TFAP4: variants seen among roughly 807,000 people sequenced by gnomAD.
TFAP4 encodes transcription factor AP-4.
Under a neutral mutation model 40.4 loss-of-function variants are expected in TFAP4, and 7 were observed. The observed-to-expected ratio is 0.17, with a 90% CI of 0.10 to 0.33. TFAP4 has a LOEUF of 0.33. Among genes scored for constraint, TFAP4 ranks in the 10% least tolerant of loss-of-function variants. The pLI, the probability that TFAP4 is intolerant of heterozygous loss-of-function variation, is 1.00. For missense variants in TFAP4, 374 were observed against 451.1 expected, an observed-to-expected ratio of 0.83 and a Z score of 1.55; for synonymous variants, 218 against 181.4, an observed-to-expected ratio of 1.20 and a Z score of -1.62.
intron 4 of TFAP4, among the ~76,000 whole-genome samples, chr16:4,261,452 T>G (rs1470394486): frequency 4.6e-5 from 7 of 151,760 alleles, no homozygotes; most frequent in Non-Finnish European, 8.8e-5. Context: ...GCTAATTTTT[T>G]TTTTTTTTGT....
chr16:4,267,533 A>G (rs1567202588), intron 1 of TFAP4, among the ~76,000 whole-genome samples: 1 of 152,240 alleles, frequency 6.6e-6, no homozygotes, highest in Non-Finnish European at 1.5e-5. Context: ...TGGCGTCCCA[A>G]CCAGACACTT....
intron 4 of TFAP4, 65 bp downstream of exon 4, chr16:4,261,714 G>T: frequency 6.8e-7 from 1 of 1,471,626 alleles, no homozygotes; most frequent in Non-Finnish European, 8.9e-7. Flanking sequence ...CAGAGCAAGA[G>T]GCGCGACCCC....
chr16:4,264,581 G>C (rs2052976110), intron 1 of TFAP4: 1 of 152,396 alleles, frequency 6.6e-6, no homozygotes, highest in Non-Finnish European at 1.5e-5. Flanking sequence ...TTAGGGTGCA[G>C]GGCAGAGAGG....
At chr16:4,262,221 G>A (rs1036264050) in intron 3 of TFAP4, 103 bp downstream of exon 3, 167 of 1,337,788 alleles carry the variant, frequency 1.2e-4, no homozygotes, top group Non-Finnish European at 1.7e-4. Flanking sequence ...GTACTTGTCA[G>A]TGGGCAAGAA....
At chr16:4,262,094 A>G in intron 3 of TFAP4, 145 bp from the exon 4 acceptor site, 1 of 984,970 alleles carries the variant, frequency 1.0e-6, no homozygotes, top group East Asian at 2.6e-5. Context: ...AAACCAGCCA[A>G]ATGCCAGGAG....
chr16:4,262,529 C>T lies in TFAP4; in HGVS notation c.255+7G>A. 5 of 1,612,640 alleles carry T rather than the reference C, an allele frequency of 3.1e-6. No individual in the cohort carries two copies. The highest frequency in any genetic ancestry group is 4.2e-6 in the Non-Finnish European group (5 of 1,180,018). On this transcript the variant is annotated splice_region_variant and intron_variant, in intron 2 of 6. Transcript: ENST00000204517. ...TCCTCCAGGAAGCCCTCCCTGCTCT[C>T]ACCCACCTTGCTGAGCTTCTCTCCG...
chr16:4,262,942 A>G (rs963895744), intron 1 of TFAP4: 14 of 542,792 alleles, frequency 2.6e-5, no homozygotes, highest in African/African-American at 2.3e-4. Flanking sequence ...TTGGGAGGTC[A>G]AGGCCAAGGA....
rs1196914210 is a variant in TFAP4, at chr16:4,272,834, G to A, written c.-88C>T. On this transcript the variant is annotated 5_prime_UTR_variant, in exon 1 of 7. Transcript: ENST00000204517. ...GAAATCCGAATCAAAGGGCAGCGCC[G>A]GACGGAGGTGCAGAATCGGCCGGTC... is the stretch of plus-strand genomic sequence containing the variant. 2.0e-5 allele frequency: 25 copies of A among 1,256,372 alleles called. No homozygotes were observed. Among genetic ancestry groups the A allele is most frequent in the Non-Finnish European group, 2.6e-5 (24 of 916,872 alleles). 77.8% of individuals were successfully genotyped at this position (1,256,372 alleles called of 1,614,324 possible).
chr16:4,270,097 G>T (rs2053029502), intron 1 of TFAP4, among the ~76,000 whole-genome samples: 1 of 151,996 alleles, frequency 6.6e-6, no homozygotes, highest in Non-Finnish European at 1.5e-5. Context: ...AGGCAGGAAA[G>T]TCGGTTGAAT....
chr16:4,261,562 A>G (rs2141090495), intron 4 of TFAP4, among the ~76,000 whole-genome samples: 1 of 151,308 alleles, frequency 6.6e-6, no homozygotes. Context: ...GCATGGTTAC[A>G]TTTTTGAGAT....
chr16:4,257,311 T>TAAAAAAAAAAAAA lies in TFAP4; in HGVS notation c.*731_*743dup, dbSNP rs34634533. 1.0e-4 allele frequency: 12 copies of TAAAAAAAAAAAAA among 114,744 alleles called. No individual in the cohort carries two copies. Among genetic ancestry groups the TAAAAAAAAAAAAA allele is most frequent in the Non-Finnish European group, 1.6e-4 (9 of 55,860 alleles). 7.1% of individuals were successfully genotyped at this position (114,744 alleles called of 1,614,324 possible). A position where few individuals can be genotyped will look rare whatever the true frequency, so the allele number is the denominator to read the frequency against. On this transcript the variant is annotated 3_prime_UTR_variant, in exon 7 of 7. Transcript: ENST00000204517. Reference sequence around the variant, plus strand: ...CTTGAACACGAAGACCTCAAAATTGTAAAAAAAAAAAAAAAAGAAAGAAAA... The same window carrying TAAAAAAAAAAAAA: ...CTTGAACACGAAGACCTCAAAATTGTAAAAAAAAAAAAAAAAAAAAAAAAAAAAAGAAAGAAAA...
At position 4,260,142 on chromosome 16, in the gene TFAP4, G is replaced by A. The variant is rs751265715; in HGVS notation, c.770C>T (p.Ser257Leu). ...HINVVTMGPSSVINSVSTSRQ... is the reference protein window; with the variant it reads ...HINVVTMGPSLVINSVSTSRQ... ...GGATGTGGAAACAGAGTTGATGACC[G>A]AGGAGGGGCCCATGGTGACGACATT... The change falls in exon 6 of 7, where the codon TCG becomes TTG. Residue 257 changes from serine (S) to leucine (L), a missense_variant. By Grantham distance (145) the Ser-to-Leu change is moderately radical. This residue lies in a region of TFAP4 where 161 missense variants were observed against 154.2 expected (regional missense o/e 1.04). Transcript: ENST00000204517. The A allele has an allele frequency of 1.2e-5, 20 of 1,609,952 alleles. No individual in the cohort carries two copies. Among genetic ancestry groups the A allele is most frequent in the East Asian group, 9.0e-5 (4 of 44,224 alleles).
In TFAP4 at chr16:4,262,595, C is replaced by T. The variant is rs2141091645; in HGVS notation, c.196G>A (p.Ala66Thr). 1 of 1,612,314 alleles carries T rather than the reference C, an allele frequency of 6.2e-7. No individual in the cohort carries two copies. Among genetic ancestry groups the T allele is most frequent in the Non-Finnish European group, 8.5e-7 (1 of 1,180,022 alleles). The change falls in exon 2 of 7, where the codon GCG (alanine) becomes ACG (threonine). Residue 66 changes from alanine (A) to threonine (T), a missense_variant. Ala to Thr is a moderately conservative substitution (Grantham distance 58). Coordinates refer to ENST00000204517, the MANE Select transcript of TFAP4 (RefSeq NM_003223.3). ...NERRRMQSINAGFQSLKTLIP... is the reference protein window; with the variant it reads ...NERRRMQSINTGFQSLKTLIP... ...AGGGTCTTGAGGGACTGGAATCCCG[C>T]GTTGATGCTCTGCATGCGTCTCCGC...
rs994375755 is a variant in TFAP4 at position 4,261,653 on chromosome 16, G to C, written c.525+126C>G. 29 of 1,151,946 alleles carry C rather than the reference G, an allele frequency of 2.5e-5. No homozygotes were observed. The East Asian group carries it at 7.8e-4, about 31-fold the overall frequency. The allele number at this position is 1,151,946 out of a possible 1,614,324, so 71.4% of individuals were successfully genotyped here. ...GTGTCTGGCTTGCTCCCCACTCCTA[G>C]GCCTGGCACCGCAGTAGGTGCTCCT... On this transcript the variant is annotated intron_variant, in intron 4 of 6. Transcript: ENST00000204517.
chr16:4,262,278 G>C (rs1237071562), intron 3 of TFAP4, 46 bp downstream of exon 3: 1 of 1,596,766 alleles, frequency 6.3e-7, no homozygotes, highest in East Asian at 2.2e-5. Flanking sequence ...CTGGGTCCAA[G>C]GCATGCCCAT....
intron 1 of TFAP4, 52 bp downstream of exon 1, chr16:4,272,606 T>C: frequency 7.5e-7 from 1 of 1,336,490 alleles, no homozygotes; most frequent in Non-Finnish European, 9.9e-7. Flanking sequence ...CCGGGCGGGC[T>C]GGCCGGGGGC....
At chr16:4,261,710 A>G in intron 4 of TFAP4, 69 bp downstream of exon 4, 1 of 1,460,776 alleles carries the variant, frequency 6.8e-7, no homozygotes, top group Non-Finnish European at 9.0e-7. Context: ...GCCGCAGAGC[A>G]AGAGGCGCGA....
chr16:4,272,605 C>G, intron 1 of TFAP4, 53 bp downstream of exon 1: 1 of 1,430,566 alleles, frequency 7.0e-7, no homozygotes, highest in South Asian at 1.3e-5. Context: ...CCCGGGCGGG[C>G]TGGCCGGGGG....
chr16:4,272,491 C>A (rs1461220431), intron 1 of TFAP4, among the ~76,000 whole-genome samples, 167 bp downstream of exon 1: 1 of 151,930 alleles, frequency 6.6e-6, no homozygotes, highest in African/African-American at 2.4e-5. Context: ...AAGGAGGGTC[C>A]CGGGGCGGCG....
Sources: allele counts gnomAD v4.1 joint callset (sites outside exome capture counted in the v4.1 genomes callset), GRCh38; gene constraint gnomAD v4.1.1; regional missense constraint gnomAD v4.1.1; transcripts MANE v1.5; gene names NCBI Gene and HGNC (gene_info 2026-07-23, HGNC 2026-07-21).